The following NAA11 variants were observed in gnomAD, a reference collection of about 807,000 sequenced individuals.
NAA11 encodes N-alpha-acetyltransferase 11.
In NAA11, 15 loss-of-function variants were observed where a neutral mutation model predicts 16.1. The observed-to-expected ratio is 0.93, with a 90% CI of 0.62 to 1.44. NAA11 has a LOEUF of 1.44. Ranked by LOEUF, NAA11 falls within the 40% of genes most tolerant of loss-of-function variation. NAA11 has a pLI of 0.00. For synonymous variants in NAA11, 122 were observed against 112.4 expected (o/e 1.09, Z -0.54); for missense variants, 298 against 291.3 (o/e 1.02, Z -0.17).
the NAA11 span, among the ~76,000 whole-genome samples, chr4:79,171,158 G>A: frequency 6.6e-6 from 1 of 152,164 alleles, no homozygotes; most frequent in African/African-American, 2.4e-5. Context: ...AATCCCCAAG[G>A]CAACAGTGTT....
intron 2 of NAA11, among the ~76,000 whole-genome samples, chr4:79,230,281 G>C (rs939512073): frequency 6.6e-6 from 1 of 151,822 alleles, no homozygotes; most frequent in African/African-American, 2.4e-5. Context: ...TTGTGGGGTG[G>C]GGGGAGAGGG....
intron 2 of NAA11, among the ~76,000 whole-genome samples, chr4:79,263,987 T>C (rs1175005934): frequency 3.3e-5 from 5 of 152,182 alleles, no homozygotes; most frequent in Non-Finnish European, 7.3e-5. Context: ...CTTTAAGCAA[T>C]ACCCCCACCT....
chr4:79,258,332 C>A (rs927280768), intron 2 of NAA11, among the ~76,000 whole-genome samples: 1 of 152,390 alleles, frequency 6.6e-6, no homozygotes, highest in African/African-American at 2.4e-5. Flanking sequence ...AGCATCGTTG[C>A]ACTTTGCGGG....
chr4:79,157,496 CATAT>C, the NAA11 span, among the ~76,000 whole-genome samples: 3 of 151,080 alleles, frequency 2.0e-5, no homozygotes, highest in African/African-American at 7.3e-5. Flanking sequence ...TATATACACA[CATAT>C]ATATGTATGT....
downstream of NAA11, among the ~76,000 whole-genome samples, chr4:79,221,734 C>G (rs1054849933): frequency 1.2e-4 from 16 of 128,374 alleles, no homozygotes; most frequent in African/African-American, 4.2e-4. Flanking sequence ...CCCACTTGAT[C>G]ATAGTGGATA....
chr4:79,238,022 C>A (rs1244397763), intron 2 of NAA11, among the ~76,000 whole-genome samples: 3 of 152,162 alleles, frequency 2.0e-5, no homozygotes, highest in African/African-American at 7.2e-5. Flanking sequence ...TCCTAGGCAA[C>A]TTTGAAGCTT....
At chr4:79,253,254 C>CT (rs1722034705) in intron 2 of NAA11, among the ~76,000 whole-genome samples, 1 of 152,142 alleles carries the variant, frequency 6.6e-6, no homozygotes, top group South Asian at 2.1e-4. Context: ...ATGTGTTACA[C>CT]TTAGATGCCT....
At chr4:79,164,995 C>T in the NAA11 span, among the ~76,000 whole-genome samples, 3 of 152,224 alleles carry the variant, frequency 2.0e-5, no homozygotes, top group Middle Eastern at 3.4e-3. Flanking sequence ...GCACACCACA[C>T]GGAGGGAACA....
rs373541851 is a variant in NAA11, at chr4:79,325,888, G to A, written c.-11C>T. The A allele has an allele frequency of 2.5e-6, 4 of 1,597,262 alleles. No individual in the cohort carries two copies. Among genetic ancestry groups the A allele is most frequent in the Non-Finnish European group, 2.6e-6 (3 of 1,170,768 alleles). On this transcript the variant is annotated 5_prime_UTR_variant, in exon 1 of 2. Transcript: ENST00000286794. Reference sequence around the variant, plus strand: ...GTTGCGGATGTTCATAATGGCAGAGGGTAGGGAACCGGTTGGACTGCAGTG... The same window carrying A: ...GTTGCGGATGTTCATAATGGCAGAGAGTAGGGAACCGGTTGGACTGCAGTG...
At chr4:79,287,461 A>G (rs932108981) in intron 2 of NAA11, among the ~76,000 whole-genome samples, 1 of 151,842 alleles carries the variant, frequency 6.6e-6, no homozygotes. Context: ...TATTCAGGTA[A>G]GTTTTTTTTT....
intron 2 of NAA11, among the ~76,000 whole-genome samples, chr4:79,229,564 C>T (rs1265441686): frequency 2.6e-5 from 4 of 151,948 alleles, no homozygotes; most frequent in Admixed American, 2.0e-4. Flanking sequence ...ATTAGACCTA[C>T]ACTCACTTTC....
intron 2 of NAA11, among the ~76,000 whole-genome samples, chr4:79,252,199 G>T (rs1285517254): frequency 6.6e-6 from 1 of 152,152 alleles, no homozygotes; most frequent in African/African-American, 2.4e-5. Context: ...GGGATGGGGA[G>T]GGGGAATGAG....
chr4:79,268,847 C>G (rs945257860), intron 2 of NAA11, among the ~76,000 whole-genome samples: 4 of 105,466 alleles, frequency 3.8e-5, no homozygotes, highest in Non-Finnish European at 7.5e-5. Flanking sequence ...GCTATCCCTC[C>G]CCCCTCCCCC....
At chr4:79,210,708 G>T in the NAA11 span, among the ~76,000 whole-genome samples, 2 of 152,026 alleles carry the variant, frequency 1.3e-5, no homozygotes, top group East Asian at 3.9e-4. Context: ...CTGGGTTAGC[G>T]GCAGCGTAAG....
chr4:79,227,640 G>C (rs1316225852), intron 2 of NAA11: 3 of 152,032 alleles, frequency 2.0e-5, no homozygotes, highest in Admixed American at 6.6e-5. Context: ...ACTCTTCAGT[G>C]TCCCTAGTAA....
chr4:79,214,974 C>T, the NAA11 span, among the ~76,000 whole-genome samples: 3 of 152,178 alleles, frequency 2.0e-5, no homozygotes, highest in South Asian at 4.1e-4. Context: ...AATGTCTGTT[C>T]GTTATAAATT....
chr4:79,242,964 G>A (rs2109962283), intron 2 of NAA11, among the ~76,000 whole-genome samples: 1 of 152,306 alleles, frequency 6.6e-6, no homozygotes, highest in Non-Finnish European at 1.5e-5. Context: ...ATAGTTTAAG[G>A]AAGCCCACTG....
chr4:79,246,393 A>AG (rs1335340031), intron 2 of NAA11, among the ~76,000 whole-genome samples: 1,562 of 34,440 alleles, frequency 0.045, 31 homozygotes, highest in African/African-American at 0.092. Context: ...AAAAAAAAAA[A>AG]AAAAAAGAAA....
At chr4:79,236,905 T>C (rs1256567573) in intron 2 of NAA11, among the ~76,000 whole-genome samples, 1 of 152,114 alleles carries the variant, frequency 6.6e-6, no homozygotes, top group Non-Finnish European at 1.5e-5. Context: ...CTCCGCATGC[T>C]AAGTATTATT....
Sources: allele counts gnomAD v4.1 joint callset (sites outside exome capture counted in the v4.1 genomes callset), GRCh38; gene constraint gnomAD v4.1.1; transcripts MANE v1.5; gene names NCBI Gene and HGNC (gene_info 2026-07-23, HGNC 2026-07-21).